The following APBB2 variants were observed in gnomAD, a reference collection of about 807,000 sequenced individuals.
APBB2 encodes Fe65-like 1.
A neutral mutation model predicts 82.5 loss-of-function variants in APBB2; 38 were observed. That is an observed-to-expected ratio of 0.46 (90% confidence interval 0.36 to 0.60). The LOEUF is 0.60. Ranked by LOEUF, APBB2 falls within the 20% of genes least tolerant of loss-of-function variation. The pLI is 0.00. For synonymous variants in APBB2, 341 were observed against 368.2 expected (o/e 0.93, Z 0.85); for missense variants, 772 against 972.3 (o/e 0.79, Z 2.74).
At chr4:40,908,410 T>C (rs1474286077) in intron 10 of APBB2, among the ~76,000 whole-genome samples, 2 of 152,170 alleles carry the variant, frequency 1.3e-5, no homozygotes. Context: ...CCTGAGTTTG[T>C]GTCCTGACAC....
intron 2 of APBB2, among the ~76,000 whole-genome samples, chr4:41,129,314 C>A (rs1029095400): frequency 2.0e-5 from 3 of 152,070 alleles, no homozygotes; most frequent in African/African-American, 7.2e-5. Flanking sequence ...CTTGCCTCAT[C>A]TTCAGTCACT....
rs147070767 is a variant in APBB2, at chr4:41,167,551, A to C, written c.-416-24409T>G. Among the ~76,000 whole-genome samples the C allele has an allele frequency of 1.6e-3, 248 of 152,316 alleles. 1 individual carries two copies. The highest frequency in any genetic ancestry group is 5.6e-3 in the African/African-American group (233 of 41,576). On this transcript the variant is annotated intron_variant, in intron 1 of 17. Coordinates refer to ENST00000508593, the MANE Select transcript of APBB2 (RefSeq NM_004307.2). Reference sequence around the variant, plus strand: ...TTAATTTTTTTTTATTTTATCACAGACTAAATGTACAAGTAGTGCCTATGC... The same window carrying C: ...TTAATTTTTTTTTATTTTATCACAGCCTAAATGTACAAGTAGTGCCTATGC...
At chr4:40,861,182 C>G (rs1762662807) in intron 12 of APBB2, among the ~76,000 whole-genome samples, 1 of 152,000 alleles carries the variant, frequency 6.6e-6, no homozygotes, top group South Asian at 2.1e-4. Context: ...GGAACCCTGT[C>G]TCTACTAAAA....
intron 12 of APBB2, 192 bp downstream of exon 12, chr4:40,890,172 G>T: frequency 2.9e-6 from 2 of 683,398 alleles, no homozygotes; most frequent in Admixed American, 3.6e-5. Flanking sequence ...TTGAGATACA[G>T]AAACCAGGAA....
intron 7 of APBB2, 79 bp downstream of exon 7, chr4:40,944,786 G>A: frequency 7.0e-7 from 1 of 1,425,196 alleles, no homozygotes; most frequent in Non-Finnish European, 9.8e-7. Context: ...TGACCTGTTG[G>A]GGCAGAAGCA....
chr4:40,908,695 C>T (rs1238815346), intron 10 of APBB2, among the ~76,000 whole-genome samples: 1 of 152,168 alleles, frequency 6.6e-6, no homozygotes, highest in East Asian at 1.9e-4. Flanking sequence ...AAAATAATCC[C>T]TCAATGGGGA....
At chr4:41,015,095 A>G (rs564772380) in intron 5 of APBB2, among the ~76,000 whole-genome samples, 1 of 152,362 alleles carries the variant, frequency 6.6e-6, no homozygotes, top group South Asian at 2.1e-4. Context: ...GGCTACAGAC[A>G]ACATGTTAGA....
chr4:41,047,378 G>A (rs1299061910), intron 4 of APBB2, among the ~76,000 whole-genome samples: 4 of 152,380 alleles, frequency 2.6e-5, no homozygotes, highest in Middle Eastern at 3.4e-3. Flanking sequence ...TTATAGTCAG[G>A]ATTTATACAG....
chr4:41,086,299 C>T (rs1739624693), intron 3 of APBB2, among the ~76,000 whole-genome samples: 1 of 152,150 alleles, frequency 6.6e-6, no homozygotes, highest in South Asian at 2.1e-4. Flanking sequence ...AGAAGGAACA[C>T]TTTTAAACTC....
chr4:41,074,977 C>T (rs757906706), intron 3 of APBB2, among the ~76,000 whole-genome samples: 7 of 152,092 alleles, frequency 4.6e-5, no homozygotes, highest in Non-Finnish European at 8.8e-5. Context: ...TGGCAAAACT[C>T]GACTCCACAA....
intron 6 of APBB2, among the ~76,000 whole-genome samples, chr4:40,985,980 T>C (rs1034042189): frequency 8.5e-5 from 13 of 152,166 alleles, no homozygotes; most frequent in African/African-American, 2.9e-4. Context: ...AAGAAATAAG[T>C]GACACATAAA....
intron 3 of APBB2, among the ~76,000 whole-genome samples, chr4:41,070,138 T>G (rs757274307): frequency 1.3e-5 from 2 of 152,210 alleles, no homozygotes; most frequent in Non-Finnish European, 2.9e-5. Context: ...GGCAGTAAGA[T>G]AAATAGTCAT....
At chr4:41,032,871 G>A (rs907769434) in intron 5 of APBB2, among the ~76,000 whole-genome samples, 10 of 122,624 alleles carry the variant, frequency 8.2e-5, no homozygotes, top group South Asian at 2.9e-4. Context: ...TGCAAGCTCC[G>A]CCTCCCGGGT....
chr4:40,822,158 A>G, intron 16 of APBB2, 108 bp from the exon 17 acceptor site: 1 of 1,327,282 alleles, frequency 7.5e-7, no homozygotes, highest in Non-Finnish European at 1.1e-6. Flanking sequence ...CCGAATTCAG[A>G]AAGGACCTGT....
intron 4 of APBB2, among the ~76,000 whole-genome samples, chr4:41,045,869 T>C (rs771782313): frequency 7.9e-5 from 12 of 152,332 alleles, no homozygotes; most frequent in Non-Finnish European, 1.3e-4. Flanking sequence ...AAGGAATGAA[T>C]AGAAGAGTTC....
At chr4:40,854,428 CAT>C (rs1200086475) in intron 12 of APBB2, among the ~76,000 whole-genome samples, 29 of 152,224 alleles carry the variant, frequency 1.9e-4, no homozygotes, top group Non-Finnish European at 4.4e-5. Flanking sequence ...ACAGTTAAGT[CAT>C]CTCTTAACAC....
At chr4:41,125,176 C>A (rs115049375) in intron 2 of APBB2, among the ~76,000 whole-genome samples, 1 of 152,328 alleles carries the variant, frequency 6.6e-6, no homozygotes, top group African/African-American at 2.4e-5. Flanking sequence ...TGCAGGATGG[C>A]ATAGCCAAAA....
chr4:41,177,383 G>A (rs1219486874), intron 1 of APBB2, among the ~76,000 whole-genome samples: 1 of 152,144 alleles, frequency 6.6e-6, no homozygotes, highest in African/African-American at 2.4e-5. Flanking sequence ...GCAGTATCAA[G>A]AACTACCATG....
chr4:40,823,538 G>T, intron 16 of APBB2, 106 bp downstream of exon 16: 1 of 761,972 alleles, frequency 1.3e-6, no homozygotes, highest in Non-Finnish European at 2.2e-6. Context: ...TAATCACAAG[G>T]ATGCACAACT....
Sources: allele counts gnomAD v4.1 joint callset (sites outside exome capture counted in the v4.1 genomes callset), GRCh38; gene constraint gnomAD v4.1.1; transcripts MANE v1.5; gene names NCBI Gene and HGNC (gene_info 2026-07-23, HGNC 2026-07-21).